Variants in DAG1 observed in about 807,000 individuals in gnomAD.
DAG1 encodes dystroglycan 1 (dystrophin-associated glycoprotein 1).
In DAG1, 8 loss-of-function variants were observed where a neutral mutation model predicts 46.1. That is an observed-to-expected ratio of 0.17 (90% CI 0.10 to 0.31). DAG1 has a LOEUF of 0.31. Ranked by LOEUF, DAG1 falls within the 10% of genes least tolerant of loss-of-function variation. The pLI is 1.00. For missense variants in DAG1, 1,003 were observed against 1,189.9 expected, an observed-to-expected ratio of 0.84 and a Z score of 2.31; for synonymous variants, 495 against 481.8, an observed-to-expected ratio of 1.03 and a Z score of -0.36.
At chr3:49,503,767 G>A (rs1465660215) in intron 1 of DAG1, among the ~76,000 whole-genome samples, 1 of 151,544 alleles carries the variant, frequency 6.6e-6, no homozygotes, top group Non-Finnish European at 1.5e-5. Context: ...GGTCGAGGCT[G>A]CAGTGAGCTG....
At chr3:49,525,580 C>T (rs1176279188) in intron 2 of DAG1, among the ~76,000 whole-genome samples, 4 of 147,430 alleles carry the variant, frequency 2.7e-5, no homozygotes, top group African/African-American at 1.0e-4. Context: ...TTTTTTGAGA[C>T]GGAATCTCGC....
At position 49,535,279 on chromosome 3, in the gene DAG1, CCTTCCAAACAG is replaced by C. The variant is rs2107978459; in HGVS notation, c.*2083_*2093del. ...TGTTCCAGGTGAGGGCTTTGAAAGG[CCTTCCAAACAG>C]CTCCGTCGCCCCTAGCAACTCCACC... On this transcript the variant is annotated 3_prime_UTR_variant, in exon 3 of 3. Transcript: ENST00000308775. 1 of 152,760 alleles carries C rather than the reference CCTTCCAAACAG, an allele frequency of 6.5e-6. No homozygotes were observed. Among genetic ancestry groups the C allele is most frequent in the East Asian group, 1.9e-4 (1 of 5,190 alleles). The allele number at this position is 152,760 out of a possible 1,614,324, so 9.5% of individuals were successfully genotyped here. A position where few individuals can be genotyped will look rare whatever the true frequency, so the allele number is the denominator to read the frequency against.
At chr3:49,498,602 A>G (rs1330605958) in intron 1 of DAG1, among the ~76,000 whole-genome samples, 2 of 152,098 alleles carry the variant, frequency 1.3e-5, no homozygotes, top group Non-Finnish European at 2.9e-5. Context: ...GAAGTGGTTA[A>G]TATTTCTGCT....
chr3:49,478,184 T>C (rs916084213), intron 1 of DAG1, among the ~76,000 whole-genome samples: 4 of 150,204 alleles, frequency 2.7e-5, no homozygotes, highest in African/African-American at 7.4e-5. Context: ...GGAGAATTGT[T>C]TGAATCTTGA....
At chr3:49,473,269 G>T (rs918812980) in intron 1 of DAG1, among the ~76,000 whole-genome samples, 34 of 151,630 alleles carry the variant, frequency 2.2e-4, no homozygotes, top group African/African-American at 7.7e-4. Flanking sequence ...CAAAAAATTA[G>T]CCAGGTGGGG....
chr3:49,494,721 G>A (rs942315452), intron 1 of DAG1, among the ~76,000 whole-genome samples: 16 of 151,486 alleles, frequency 1.1e-4, no homozygotes, highest in Middle Eastern at 3.4e-3. Context: ...TGCAACCTCC[G>A]CCTCACAGGT....
At chr3:49,507,983 A>G (rs572107988) in intron 1 of DAG1, among the ~76,000 whole-genome samples, 20 of 151,780 alleles carry the variant, frequency 1.3e-4, no homozygotes, top group African/African-American at 4.6e-4. Context: ...TTTTCTTTTG[A>G]TGTCTGCAAT....
At chr3:49,505,530 T>C (rs1213951942) in intron 1 of DAG1, among the ~76,000 whole-genome samples, 1 of 152,256 alleles carries the variant, frequency 6.6e-6, no homozygotes, top group Non-Finnish European at 1.5e-5. Flanking sequence ...TTTTGTGTTC[T>C]GTGACCTTGT....
rs753982380 is a variant in DAG1, at chr3:49,510,653, G to C, written c.119G>C (p.Arg40Thr). ...CCCAGTGAACCCTCAGAGGCTGTCA[G>C]GGACTGGGAAAACCAGCTTGAGGCA... Reference protein sequence around the residue: ...HWPSEPSEAVRDWENQLEASM... With the variant: ...HWPSEPSEAVTDWENQLEASM... Residue 40 changes from arginine to threonine, a missense_variant, in exon 2 of 3, where the codon AGG (arginine) becomes ACG (threonine). Physicochemically the swap from Arg to Thr is moderately conservative, Grantham distance 71. Transcript: ENST00000308775. 1.1e-5 allele frequency: 18 copies of C among 1,614,042 alleles called. No individual in the cohort carries two copies. Among genetic ancestry groups the C allele is most frequent in the Non-Finnish European group, 1.5e-5 (18 of 1,180,046 alleles).
chr3:49,491,448 T>A lies in DAG1; in HGVS notation c.-116-18971T>A, dbSNP rs566962316. On this transcript the variant is annotated intron_variant, in intron 1 of 2. Coordinates refer to ENST00000308775, the MANE Select transcript of DAG1 (RefSeq NM_004393.6). The stretch of plus-strand genomic sequence containing the variant: ...GCCTCAGCCTCCCAAGTAGCAGGGA[T>A]CATAGGCACCTGCCACTATGTCCTG... Among the ~76,000 whole-genome samples, 153 of 151,128 alleles carry A rather than the reference T, an allele frequency of 1.0e-3. No homozygotes were observed. The Middle Eastern group carries it at 0.01, about 10-fold the overall frequency.
intron 1 of DAG1, 99 bp downstream of exon 1, chr3:49,470,532 G>C (rs1369837710): frequency 2.0e-5 from 3 of 152,624 alleles, no homozygotes; most frequent in Non-Finnish European, 2.9e-5. Context: ...GCTGCTCGCT[G>C]TTCGGCCCGG....
intron 1 of DAG1, among the ~76,000 whole-genome samples, chr3:49,508,070 A>G (rs1404782394): frequency 6.6e-6 from 1 of 151,116 alleles, no homozygotes. Context: ...CTTGAGATCA[A>G]TTTTATTAAT....
At chr3:49,510,896 G>A in intron 2 of DAG1, 77 bp downstream of exon 2, 1 of 1,569,618 alleles carries the variant, frequency 6.4e-7, no homozygotes. Context: ...TCCTTTTCAA[G>A]TCTAAGCTTC....
intron 1 of DAG1, chr3:49,493,015 G>A (rs1232090830): frequency 7.2e-6 from 1 of 139,480 alleles, no homozygotes; most frequent in Non-Finnish European, 1.6e-5. Context: ...TCCCATCTTT[G>A]TGCAAATCAT....
intron 1 of DAG1, among the ~76,000 whole-genome samples, chr3:49,487,851 C>T (rs1451398897): frequency 1.3e-5 from 2 of 151,852 alleles, no homozygotes; most frequent in African/African-American, 4.8e-5. Flanking sequence ...AACAGGCTCC[C>T]GCCACCATAC....
chr3:49,524,985 A>G (rs1453954811), intron 2 of DAG1, among the ~76,000 whole-genome samples: 1 of 152,064 alleles, frequency 6.6e-6, no homozygotes, highest in Non-Finnish European at 1.5e-5. Flanking sequence ...ATATACATAT[A>G]CATATATGTA....
chr3:49,528,934 T>C (rs1230381240), intron 2 of DAG1, among the ~76,000 whole-genome samples: 2 of 150,178 alleles, frequency 1.3e-5, no homozygotes, highest in African/African-American at 2.5e-5. Context: ...CACTGCAACC[T>C]CCGCTTCCCA....
At chr3:49,510,940 T>G in intron 2 of DAG1, 121 bp downstream of exon 2, 3 of 1,536,226 alleles carry the variant, frequency 2.0e-6, no homozygotes, top group South Asian at 2.4e-5. Flanking sequence ...CAGTACCCCC[T>G]TAGAAGAGGG....
intron 1 of DAG1, among the ~76,000 whole-genome samples, chr3:49,505,055 G>T (rs2050567792): frequency 6.6e-6 from 1 of 151,064 alleles, no homozygotes; most frequent in Non-Finnish European, 1.5e-5. Flanking sequence ...GAGTGCAGTG[G>T]TGTGAATGTG....
Sources: gnomAD v4.1 joint callset for allele counts (sites outside exome capture counted in the v4.1 genomes callset) on GRCh38, gnomAD v4.1.1 for gene constraint, MANE v1.5 for transcripts, NCBI Gene and HGNC (gene_info 2026-07-23, HGNC 2026-07-21) for gene names.